The following SLC5A4 variants were observed in gnomAD, a reference collection of about 807,000 sequenced individuals.
SLC5A4 encodes probable glucose sensor protein SLC5A4.
Under a neutral mutation model 70.3 loss-of-function variants are expected in SLC5A4, and 55 were observed. The observed-to-expected ratio is 0.78, with a 90% CI of 0.63 to 0.98. The LOEUF is 0.98. Among genes scored for constraint, SLC5A4 ranks in the 50% least tolerant of loss-of-function variants. SLC5A4 has a pLI of 0.00. For missense variants in SLC5A4, 735 were observed against 839.2 expected (o/e 0.88, Z 1.53); for synonymous variants, 268 against 305.7 (o/e 0.88, Z 1.29).
rs1403565538 is a variant in SLC5A4 at position 32,248,874 on chromosome 22, C to T, written c.313-72G>A. The T allele has an allele frequency of 4.0e-6, 4 of 993,020 alleles. No homozygotes were observed. In the African/African-American group the frequency reaches 4.8e-5, roughly 12 times the overall value. 61.5% of individuals were successfully genotyped at this position (993,020 alleles called of 1,614,324 possible). A position where few individuals can be genotyped will look rare whatever the true frequency, so the allele number is the denominator to read the frequency against. ...GCTTGTGGACCTTCTCCTTCTATGA[C>T]CTCTGAGTCTGGAAATTAAAAAAAA... On this transcript the variant is annotated intron_variant, in intron 3 of 14. Coordinates refer to ENST00000266086, the MANE Select transcript of SLC5A4 (RefSeq NM_014227.3).
chr22:32,307,786 G>A, the SLC5A4 span, among the ~76,000 whole-genome samples: 241 of 152,332 alleles, frequency 1.6e-3, 4 homozygotes, highest in South Asian at 0.022. Context: ...GCCCAGTGAT[G>A]TACTCCTGGA....
At chr22:32,238,162 G>C (rs148433633) in intron 6 of SLC5A4, among the ~76,000 whole-genome samples, 122 of 152,066 alleles carry the variant, frequency 8.0e-4, no homozygotes, top group Middle Eastern at 3.4e-3. Context: ...GCAACAAGCA[G>C]GTGAAGCAAT....
the SLC5A4 span, among the ~76,000 whole-genome samples, chr22:32,332,930 C>G: frequency 6.6e-6 from 1 of 152,192 alleles, no homozygotes; most frequent in Non-Finnish European, 1.5e-5. Context: ...ACTCTTTCTC[C>G]TTTGCCTCCT....
Position 32,234,964 on chromosome 22 carries a change from A to G in SLC5A4, c.794T>C (p.Ile265Thr), listed in dbSNP as rs751288626. The change falls in exon 8 of 15, where the codon ATC becomes ACC. Residue 265 changes from isoleucine to threonine, a missense_variant. Coordinates refer to ENST00000266086, the MANE Select transcript of SLC5A4 (RefSeq NM_014227.3). ...CYTPRADSFHIFRDAVTGDIP... is the reference protein window; with the variant it reads ...CYTPRADSFHTFRDAVTGDIP... ...GTCCCCAGTCACAGCATCTCGGAAG[A>G]TGTGGAAGGAGTCCGCCCGAGGTGT... 8 of 1,613,816 alleles carry G rather than the reference A, an allele frequency of 5.0e-6. No homozygotes were observed. The East Asian group carries it at 1.1e-4, about 22-fold the overall frequency.
the SLC5A4 span, among the ~76,000 whole-genome samples, chr22:32,315,794 T>TAAA: frequency 1.4e-4 from 13 of 95,910 alleles, no homozygotes; most frequent in Admixed American, 3.9e-4. Flanking sequence ...CACACTTGCT[T>TAAA]AAAAAAAAAA....
At chr22:32,272,504 T>C in the SLC5A4 span, 1,220 of 705,042 alleles carry the variant, frequency 1.7e-3, 2 homozygotes, top group African/African-American at 0.016. Context: ...TGGCTGCTGT[T>C]ACCAGGAGGA....
Position 32,255,200 on chromosome 22 carries a change from G to A in SLC5A4, c.130C>T (p.Leu44=). 1.9e-6 allele frequency: 3 copies of A among 1,611,546 alleles called. No individual in the cohort carries two copies. Among genetic ancestry groups the A allele is most frequent in the Non-Finnish European group, 2.5e-6 (3 of 1,179,438 alleles). ...GCCACTGGGATTCCACCTACCCACA[G>A]CCCAACAGCCATCACCACCAGAAAA... is the stretch of plus-strand genomic sequence containing the variant. ...IYFLVVMAVG[L]WAMLKTNRGT... The change falls in exon 1 of 15, where the codon CTG becomes TTG. Residue 44 remains leucine, a synonymous_variant. Coordinates refer to ENST00000266086, the MANE Select transcript of SLC5A4 (RefSeq NM_014227.3).
the SLC5A4 span, among the ~76,000 whole-genome samples, chr22:32,342,573 T>A: frequency 1.3e-5 from 2 of 152,184 alleles, no homozygotes; most frequent in African/African-American, 4.8e-5. Context: ...TACTTCTACT[T>A]CATATAAAAT....
At chr22:32,307,200 A>C in the SLC5A4 span, among the ~76,000 whole-genome samples, 3 of 152,172 alleles carry the variant, frequency 2.0e-5, no homozygotes, top group East Asian at 5.8e-4. Flanking sequence ...CCTGGATTTC[A>C]GTCTGTTAAG....
At chr22:32,291,546 T>C in the SLC5A4 span, among the ~76,000 whole-genome samples, 20 of 152,310 alleles carry the variant, frequency 1.3e-4, no homozygotes, top group Admixed American at 1.0e-3. Flanking sequence ...GTGTATCAAC[T>C]TGGGGAAAAT....
At chr22:32,269,891 CT>C in the SLC5A4 span, 1 of 570,540 alleles carries the variant, frequency 1.8e-6, no homozygotes. This position sits in a 1 kb window ranked among gnomAD's most constrained non-coding sequence, Gnocchi z 4.1. Context: ...GAGTGTTCCA[CT>C]TTTGACAAGG....
chr22:32,322,707 A>T, the SLC5A4 span, among the ~76,000 whole-genome samples: 1 of 152,040 alleles, frequency 6.6e-6, no homozygotes, highest in Non-Finnish European at 1.5e-5. Context: ...GGGTTCTGAG[A>T]AGTGCTTCCT....
chr22:32,260,034 T>C (rs367634539), upstream of SLC5A4, among the ~76,000 whole-genome samples: 1 of 152,286 alleles, frequency 6.6e-6, no homozygotes, highest in African/African-American at 2.4e-5. Context: ...AGATTGAGGC[T>C]AGTGAAAGAA....
the SLC5A4 span, among the ~76,000 whole-genome samples, chr22:32,293,877 G>C: frequency 6.6e-6 from 1 of 151,964 alleles, no homozygotes; most frequent in African/African-American, 2.4e-5. Flanking sequence ...AGATATTTTT[G>C]CTAGGTTTAG....
chr22:32,290,459 C>T, the SLC5A4 span, among the ~76,000 whole-genome samples: 10 of 152,128 alleles, frequency 6.6e-5, no homozygotes, highest in Non-Finnish European at 1.3e-4. Flanking sequence ...GATTTTATTA[C>T]TACAGGACTC....
At chr22:32,335,331 G>A in the SLC5A4 span, among the ~76,000 whole-genome samples, 2 of 148,302 alleles carry the variant, frequency 1.3e-5, no homozygotes, top group Non-Finnish European at 3.0e-5. Context: ...GAACCACCTA[G>A]CACAGTATCT....
chr22:32,251,630 C>T, intron 3 of SLC5A4, 140 bp downstream of exon 3: 1 of 636,266 alleles, frequency 1.6e-6, no homozygotes, highest in Non-Finnish European at 2.8e-6. Flanking sequence ...TTGCACTTCC[C>T]AGCCTTCAGA....
the SLC5A4 span, among the ~76,000 whole-genome samples, chr22:32,304,922 A>T: frequency 6.6e-6 from 1 of 151,862 alleles, no homozygotes; most frequent in Non-Finnish European, 1.5e-5. Context: ...GTCTGTGTTC[A>T]GATTCGTATT....
At chr22:32,326,927 A>G in the SLC5A4 span, among the ~76,000 whole-genome samples, 1 of 152,140 alleles carries the variant, frequency 6.6e-6, no homozygotes, top group Non-Finnish European at 1.5e-5. Flanking sequence ...TGCCTCTGGG[A>G]ACTGGAGCAG....
Sources: gnomAD v4.1 joint callset for allele counts (sites outside exome capture counted in the v4.1 genomes callset) on GRCh38, gnomAD v4.1.1 for gene constraint, Gnocchi (gnomAD v3.1) non-coding constraint, MANE v1.5 for transcripts, NCBI Gene and HGNC (gene_info 2026-07-23, HGNC 2026-07-21) for gene names.